Variants in PWWP3A observed in about 807,000 individuals in gnomAD.
PWWP3A encodes the protein PWWP domain-containing DNA repair factor 3A.
Under a neutral mutation model 79.0 loss-of-function variants are expected in PWWP3A, and 53 were observed. That is an observed-to-expected ratio of 0.67 (90% confidence interval 0.54 to 0.84). The LOEUF is 0.84. Ranked by LOEUF, PWWP3A falls within the 40% of genes least tolerant of loss-of-function variation. PWWP3A has a pLI of 0.00. For missense variants in PWWP3A, 973 were observed against 948.0 expected (o/e 1.03, Z -0.35); for synonymous variants, 443 against 394.4 (o/e 1.12, Z -1.46).
intron 3 of PWWP3A, 106 bp downstream of exon 3, chr19:1,357,200 C>T (rs752306061): frequency 1.3e-6 from 1 of 750,320 alleles, no homozygotes; most frequent in Non-Finnish European, 2.2e-6. Context: ...TCTTAATGGG[C>T]TTATTCACCA....
intron 8 of PWWP3A, among the ~76,000 whole-genome samples, chr19:1,366,936 C>T (rs981800438): frequency 2.6e-5 from 4 of 152,218 alleles, no homozygotes; most frequent in Non-Finnish European, 4.4e-5. Flanking sequence ...GCCCCGAGGT[C>T]GGCCTGTCCT....
chr19:1,375,530 T>TATTATATATAAAAA (rs1555773305), intron 13 of PWWP3A, among the ~76,000 whole-genome samples: 1 of 71,704 alleles, frequency 1.4e-5, no homozygotes, highest in Non-Finnish European at 2.5e-5. Context: ...TCATATAATT[T>TATTATATATAAAAA]ATATATTTTA....
Position 1,371,018 on chromosome 19 carries a change from G to T in PWWP3A, c.1926G>T (p.Lys642Asn). Reference protein sequence around the residue: ...LQGVYQEVGAKVLQRTNGDRI... With the variant: ...LQGVYQEVGANVLQRTNGDRI... ...GCGTCTACCAGGAGGTGGGGGCCAA[G>T]GTGCTCCAGCGCACCAACGGCGACC... Residue 642 changes from lysine (K) to asparagine (N), a missense_variant, in exon 12 of 14, where the codon AAG becomes AAT. Lys to Asn is a moderately conservative substitution (Grantham distance 94, BLOSUM62 0). Coordinates refer to ENST00000591337, the MANE Select transcript of PWWP3A (RefSeq NM_001369789.1). The T allele has an allele frequency of 6.4e-7, 1 of 1,574,744 alleles. No homozygotes were observed. Among genetic ancestry groups the T allele is most frequent in the Non-Finnish European group, 8.6e-7 (1 of 1,159,958 alleles).
Position 1,373,159 on chromosome 19 carries a change from C to T in PWWP3A, c.2074C>T (p.Arg692Trp), listed in dbSNP as rs1568960113. 3 of 1,613,750 alleles carry T rather than the reference C, an allele frequency of 1.9e-6. No homozygotes were observed. The highest frequency in any genetic ancestry group is 1.7e-6 in the Non-Finnish European group (2 of 1,179,750). Residue 692 changes from arginine (R) to tryptophan (W), a missense_variant and splice_region_variant, in exon 13 of 14, where the codon CGG becomes TGG. Physicochemically the swap from Arg to Trp is moderately radical, Grantham distance 101. Coordinates refer to ENST00000591337, the MANE Select transcript of PWWP3A (RefSeq NM_001369789.1). ...KYIKGPSLSYREKEIFDNQLL... is the reference protein window; with the variant it reads ...KYIKGPSLSYWEKEIFDNQLL... ...CATCAAGGGGCCTTCGCTGAGCTAC[C>T]GGTAGGCCGCTCCCGGCGCTATCTC... is the stretch of plus-strand genomic sequence containing the variant.
At chr19:1,371,696 TTATAAC>T (rs535289640) in intron 12 of PWWP3A, among the ~76,000 whole-genome samples, 38 of 152,132 alleles carry the variant, frequency 2.5e-4, no homozygotes, top group African/African-American at 8.4e-4. Flanking sequence ...CTATTTAACT[TTATAAC>T]TATGGGAATT....
intron 4 of PWWP3A, 89 bp downstream of exon 4, chr19:1,358,553 AT>A: frequency 6.2e-7 from 1 of 1,603,654 alleles, no homozygotes; most frequent in South Asian, 1.1e-5. Flanking sequence ...CTGGGTAAAA[AT>A]TCACCCTGTT....
intron 6 of PWWP3A, 31 bp from the exon 7 acceptor site, chr19:1,364,478 T>G (rs1225754583): frequency 1.3e-6 from 2 of 1,540,798 alleles, no homozygotes; most frequent in East Asian, 4.5e-5. Context: ...CTATTCTTTT[T>G]TTTTTGTTTT....
chr19:1,375,751 A>G (rs1228807470), intron 13 of PWWP3A, among the ~76,000 whole-genome samples: 1 of 142,646 alleles, frequency 7.0e-6, no homozygotes, highest in African/African-American at 2.6e-5. Flanking sequence ...TATAAAATAT[A>G]TAATTTTATA....
chr19:1,366,190 A>G, intron 7 of PWWP3A, 115 bp from the exon 8 acceptor site: 1 of 170,234 alleles, frequency 5.9e-6, no homozygotes, highest in Non-Finnish European at 9.4e-6. Context: ...CGCTGGGGTC[A>G]CCCCCAGAGC....
At chr19:1,357,301 G>A (rs2081895275) in intron 3 of PWWP3A, 1 of 508,144 alleles carries the variant, frequency 2.0e-6, no homozygotes, top group Non-Finnish European at 3.5e-6. Context: ...TCCAAACGAG[G>A]CATTCTGTGA....
rs1445211175 is a variant in PWWP3A, at chr19:1,369,538, C to G, written c.1499-58C>G. 2 of 1,589,574 alleles carry G rather than the reference C, an allele frequency of 1.3e-6. No individual in the cohort carries two copies. The highest frequency in any genetic ancestry group is 1.3e-5 in the African/African-American group (1 of 74,498). On this transcript the variant is annotated intron_variant, in intron 10 of 13. Coordinates refer to ENST00000591337, the MANE Select transcript of PWWP3A (RefSeq NM_001369789.1). This position sits in a 1 kb window ranked among gnomAD's most constrained non-coding sequence, Gnocchi z 4.0. ...AGACGCCGGGCCAGCCCCTGGAACA[C>G]ACTTCCTGGGACTCCTCTTAGGTCT...
intron 3 of PWWP3A, chr19:1,357,805 C>A: frequency 6.6e-6 from 1 of 152,492 alleles, no homozygotes; most frequent in Non-Finnish European, 1.5e-5. Context: ...CGTGAGAATT[C>A]CCAGTTCTGA....
Position 1,373,145 on chromosome 19 carries a change from C to G in PWWP3A, c.2060C>G (p.Pro687Arg). 1.9e-6 allele frequency: 3 copies of G among 1,614,176 alleles called. No homozygotes were observed. Among genetic ancestry groups the G allele is most frequent in the Non-Finnish European group, 1.7e-6 (2 of 1,180,008 alleles). ...GCTGAGGAGAAGTACATCAAGGGGCCTTCGCTGAGCTACCGGTAGGCCGCT... is the reference window on the plus strand; with the variant it reads ...GCTGAGGAGAAGTACATCAAGGGGCGTTCGCTGAGCTACCGGTAGGCCGCT... ...KTAEEKYIKG[P>R]SLSYREKEIF... The change falls in exon 13 of 14, where the codon CCT becomes CGT. Residue 687 changes from proline (P) to arginine (R), a missense_variant. Transcript: ENST00000591337.
At chr19:1,357,284 C>G in intron 3 of PWWP3A, 190 bp downstream of exon 3, 4 of 531,176 alleles carry the variant, frequency 7.5e-6, no homozygotes, top group Non-Finnish European at 1.3e-5. Flanking sequence ...AGTTTGGAAG[C>G]TGAAGATCCA....
chr19:1,370,292 C>G (rs1001757226), intron 11 of PWWP3A, among the ~76,000 whole-genome samples: 24 of 152,316 alleles, frequency 1.6e-4, no homozygotes, highest in African/African-American at 5.8e-4. Flanking sequence ...ACTGTCGATC[C>G]AGCATTTTCC....
chr19:1,366,835 T>C (rs973173362), intron 8 of PWWP3A, among the ~76,000 whole-genome samples: 12 of 152,232 alleles, frequency 7.9e-5, no homozygotes, highest in African/African-American at 2.7e-4. Context: ...ACCATCGCAT[T>C]GCATATCCCC....
intron 12 of PWWP3A, among the ~76,000 whole-genome samples, chr19:1,371,915 C>T (rs1353710727): frequency 6.7e-6 from 1 of 149,768 alleles, no homozygotes; most frequent in African/African-American, 2.5e-5. Flanking sequence ...TCACGCCATT[C>T]TCTTGTAGCC....
At position 1,356,320 on chromosome 19, in the gene PWWP3A, C is replaced by G. The variant is rs747328012; in HGVS notation, c.-69-4C>G. 1.3e-6 allele frequency: 2 copies of G among 1,497,894 alleles called. No individual in the cohort carries two copies. Among genetic ancestry groups the G allele is most frequent in the South Asian group, 2.3e-5 (2 of 88,426 alleles). The allele number at this position is 1,497,894 out of a possible 1,614,324, so 92.8% of individuals were successfully genotyped here. A position where few individuals can be genotyped will look rare whatever the true frequency, so the allele number is the denominator to read the frequency against. On this transcript the variant is annotated splice_region_variant and splice_polypyrimidine_tract_variant and intron_variant, in intron 1 of 13. Coordinates refer to ENST00000591337, the MANE Select transcript of PWWP3A (RefSeq NM_001369789.1). The stretch of plus-strand genomic sequence containing the variant: ...TATAAACCACCGTGCAAATTTCGTT[C>G]CAGGACACATTGGCGTGAGACCTGG...
chr19:1,366,217 T>TA (rs1226835889), intron 7 of PWWP3A, 88 bp from the exon 8 acceptor site: 89 of 1,327,768 alleles, frequency 6.7e-5, no homozygotes, highest in Non-Finnish European at 9.6e-5. Flanking sequence ...CAGCGCCTGT[T>TA]AGATGTATCA....
Sources: gnomAD v4.1 joint callset for allele counts (sites outside exome capture counted in the v4.1 genomes callset) on GRCh38, gnomAD v4.1.1 for gene constraint, Gnocchi (gnomAD v3.1) non-coding constraint, MANE v1.5 for transcripts, NCBI Gene and HGNC (gene_info 2026-07-23, HGNC 2026-07-21) for gene names.